CACNA2D3: variants seen among roughly 807,000 people sequenced by gnomAD.
CACNA2D3 encodes calcium voltage-gated channel auxiliary subunit alpha2delta 3, also known as voltage-dependent calcium channel subunit alpha-2/delta-3.
Under a neutral mutation model 160.6 loss-of-function variants are expected in CACNA2D3, and 60 were observed. The ratio of observed to expected loss-of-function variants is 0.37; its 90% CI spans 0.30 to 0.46. The LOEUF is 0.46. Ranked by LOEUF, CACNA2D3 falls within the 20% of genes least tolerant of loss-of-function variation. The probability of loss-of-function intolerance (pLI) is 1.00; values close to 1 mark genes in which losing one functional copy is unlikely to be tolerated. For missense variants in CACNA2D3, 1,205 were observed against 1,365.0 expected (o/e 0.88, Z 1.85); for synonymous variants, 558 against 492.9 (o/e 1.13, Z -1.75).
At chr3:54,669,015 C>G (rs998855633) in intron 11 of CACNA2D3, among the ~76,000 whole-genome samples, 1 of 152,136 alleles carries the variant, frequency 6.6e-6, no homozygotes, top group Non-Finnish European at 1.5e-5. Context: ...GATTATATTC[C>G]TTTTCTTCTT....
chr3:54,980,508 T>C (rs1005509742), intron 29 of CACNA2D3, among the ~76,000 whole-genome samples: 5 of 152,218 alleles, frequency 3.3e-5, no homozygotes, highest in African/African-American at 1.2e-4. Flanking sequence ...TATATTCTAC[T>C]TTTCTTACAC....
chr3:54,382,488 A>G (rs1699119555), intron 3 of CACNA2D3, among the ~76,000 whole-genome samples: 1 of 152,208 alleles, frequency 6.6e-6, no homozygotes, highest in Admixed American at 6.5e-5. Context: ...AATTTTATTA[A>G]CTGGAGAAAC....
At position 54,883,514 on chromosome 3, in the gene CACNA2D3, A is replaced by T. The variant is rs564406149; in HGVS notation, c.1913-1767A>T. On this transcript the variant is annotated intron_variant, in intron 21 of 37. Transcript: ENST00000474759. Reference sequence around the variant, plus strand: ...ACCCAGAGAAGAAGCAGTCAAAAAGATCTTCCCGATAGATCTCATCTTTTC... The same window carrying T: ...ACCCAGAGAAGAAGCAGTCAAAAAGTTCTTCCCGATAGATCTCATCTTTTC... Among the ~76,000 whole-genome samples, 6 of 152,266 alleles carry T rather than the reference A, an allele frequency of 3.9e-5. No homozygotes were observed. In the South Asian group the frequency reaches 1.2e-3, roughly 32 times the overall value.
intron 27 of CACNA2D3, among the ~76,000 whole-genome samples, chr3:54,925,755 G>A (rs1559632474): frequency 6.6e-6 from 1 of 152,164 alleles, no homozygotes; most frequent in Non-Finnish European, 1.5e-5. Flanking sequence ...TGCAACCAAG[G>A]AACTGAATTT....
At chr3:54,368,336 A>G (rs1191216727) in intron 3 of CACNA2D3, among the ~76,000 whole-genome samples, 1 of 152,076 alleles carries the variant, frequency 6.6e-6, no homozygotes, top group Non-Finnish European at 1.5e-5. Context: ...CCCCAAAACA[A>G]ATAGTAGTTA....
chr3:54,741,226 A>AG (rs1468504940), intron 11 of CACNA2D3, among the ~76,000 whole-genome samples: 3 of 152,162 alleles, frequency 2.0e-5, no homozygotes, highest in Non-Finnish European at 4.4e-5. Flanking sequence ...TCATGTCATC[A>AG]GGCGTTATAC....
chr3:54,561,995 C>G (rs1160967580), intron 5 of CACNA2D3, among the ~76,000 whole-genome samples: 1 of 152,144 alleles, frequency 6.6e-6, no homozygotes, highest in Non-Finnish European at 1.5e-5. Flanking sequence ...TCTCGTGAGA[C>G]TTATTCGCTA....
chr3:54,683,321 C>G (rs2106917939), intron 11 of CACNA2D3, among the ~76,000 whole-genome samples: 1 of 152,298 alleles, frequency 6.6e-6, no homozygotes, highest in African/African-American at 2.4e-5. Context: ...TCTGTATGGA[C>G]TGCCTTGCTA....
intron 4 of CACNA2D3, among the ~76,000 whole-genome samples, chr3:54,493,829 TTA>T (rs1228677024): frequency 1.3e-5 from 2 of 152,248 alleles, no homozygotes; most frequent in Non-Finnish European, 2.9e-5. Context: ...CCCGTTTGTA[TTA>T]TCTATGGCAG....
intron 21 of CACNA2D3, among the ~76,000 whole-genome samples, chr3:54,881,441 C>G (rs1206995436): frequency 1.3e-5 from 2 of 152,184 alleles, no homozygotes; most frequent in African/African-American, 4.8e-5. Flanking sequence ...CTCTTATCTT[C>G]ATAAAGCACA....
chr3:54,373,887 C>T (rs1050047794), intron 3 of CACNA2D3, among the ~76,000 whole-genome samples: 1 of 152,270 alleles, frequency 6.6e-6, no homozygotes, highest in Non-Finnish European at 1.5e-5. Context: ...ATCGGTTTCT[C>T]AATATAGGAA....
At chr3:54,876,801 C>G (rs1699671642) in intron 18 of CACNA2D3, among the ~76,000 whole-genome samples, 1 of 152,188 alleles carries the variant, frequency 6.6e-6, no homozygotes, top group Non-Finnish European at 1.5e-5. Context: ...AGTAAGAACT[C>G]AGTAAACAGT....
intron 2 of CACNA2D3, among the ~76,000 whole-genome samples, chr3:54,204,493 T>C (rs1248108914): frequency 6.6e-6 from 1 of 151,944 alleles, no homozygotes; most frequent in South Asian, 2.1e-4. Flanking sequence ...AAAAAAGGAA[T>C]TCCAGGGAAA....
At chr3:54,631,250 CA>C (rs1241682998) in intron 10 of CACNA2D3, among the ~76,000 whole-genome samples, 1 of 140,206 alleles carries the variant, frequency 7.1e-6, no homozygotes, top group East Asian at 2.0e-4. Flanking sequence ...ATAAATGTTA[CA>C]AAATGTCCCA....
chr3:54,844,310 A>G (rs1459083516), intron 16 of CACNA2D3, among the ~76,000 whole-genome samples: 1 of 152,118 alleles, frequency 6.6e-6, no homozygotes, highest in Non-Finnish European at 1.5e-5. Context: ...CCGTAGAGAA[A>G]GGGATTTCCA....
chr3:54,702,896 C>T (rs915934464), intron 11 of CACNA2D3, among the ~76,000 whole-genome samples: 1 of 152,068 alleles, frequency 6.6e-6, no homozygotes, highest in Non-Finnish European at 1.5e-5. Flanking sequence ...TACTACATAG[C>T]CATAAAAAGA....
chr3:54,529,463 A>G (rs2106638776), intron 5 of CACNA2D3, among the ~76,000 whole-genome samples: 1 of 152,324 alleles, frequency 6.6e-6, no homozygotes, highest in Non-Finnish European at 1.5e-5. Context: ...TGAAGCCCCC[A>G]AAGACCTGGA....
chr3:55,063,533 G>C (rs1704564047), intron 35 of CACNA2D3, among the ~76,000 whole-genome samples: 1 of 152,126 alleles, frequency 6.6e-6, no homozygotes, highest in African/African-American at 2.4e-5. Flanking sequence ...ACCAAGGTAA[G>C]AATTAGAGCT....
chr3:54,687,121 C>CTTTTTCTTTTTCTTTTTCTTTTTCTTTTT, intron 11 of CACNA2D3, among the ~76,000 whole-genome samples: 9 of 94,978 alleles, frequency 9.5e-5, no homozygotes, highest in African/African-American at 3.2e-4. Context: ...TTTTCTTTTT[C>CTTTTTCTTTTTCTTTTTCTTTTTCTTTTT]TTTTTTTTTT....
Sources: allele counts gnomAD v4.1 joint callset (sites outside exome capture counted in the v4.1 genomes callset), GRCh38; gene constraint gnomAD v4.1.1; transcripts MANE v1.5; gene names NCBI Gene and HGNC (gene_info 2026-07-23, HGNC 2026-07-21).